The following ANXA6 variants were observed in gnomAD, a reference collection of about 807,000 sequenced individuals.
ANXA6 encodes the protein 67 kDa calelectrin.
Under a neutral mutation model 95.4 loss-of-function variants are expected in ANXA6, and 71 were observed. That is an observed-to-expected ratio of 0.74 (90% CI 0.61 to 0.91). The LOEUF (loss-of-function observed/expected upper bound fraction) is 0.91. Ranked by LOEUF, ANXA6 falls within the 40% of genes least tolerant of loss-of-function variation. ANXA6 has a pLI of 0.00. For missense variants in ANXA6, 830 were observed against 876.4 expected (o/e 0.95, Z 0.67); for synonymous variants, 289 against 315.9 (o/e 0.91, Z 0.90).
chr5:151,156,728 C>T (rs1482349607), intron 1 of ANXA6, among the ~76,000 whole-genome samples: 1 of 152,182 alleles, frequency 6.6e-6, no homozygotes, highest in Non-Finnish European at 1.5e-5. Flanking sequence ...CCTGCCCTTT[C>T]CCCTTGTAGG....
chr5:151,123,613 T>C (rs1418907170), intron 15 of ANXA6, among the ~76,000 whole-genome samples: 1 of 152,086 alleles, frequency 6.6e-6, no homozygotes, highest in Non-Finnish European at 1.5e-5. Context: ...CAGGCGAGCT[T>C]GGCAGGTATC....
At chr5:151,117,060 C>G (rs554764858) in intron 20 of ANXA6, 67 bp downstream of exon 20, 3 of 1,448,632 alleles carry the variant, frequency 2.1e-6, no homozygotes, top group Admixed American at 2.2e-5. Flanking sequence ...GGCGTAGACA[C>G]GCATAAGCTG....
At chr5:151,105,197 A>G (rs1180790302) in intron 24 of ANXA6, 48 bp downstream of exon 24, 8 of 1,536,178 alleles carry the variant, frequency 5.2e-6, no homozygotes, top group Non-Finnish European at 7.2e-6. Context: ...TTGTGTGTGT[A>G]TGTAAGTCAG....
intron 17 of ANXA6, among the ~76,000 whole-genome samples, chr5:151,120,214 G>A (rs914100418): frequency 6.6e-6 from 1 of 152,098 alleles, no homozygotes; most frequent in African/African-American, 2.4e-5. Flanking sequence ...GGCGTTACAT[G>A]CCCTGGACTA....
intron 17 of ANXA6, among the ~76,000 whole-genome samples, chr5:151,121,107 T>C (rs971449709): frequency 2.0e-5 from 3 of 152,236 alleles, no homozygotes; most frequent in African/African-American, 4.8e-5. Context: ...AATGTTTTTA[T>C]AAAGTCCTCT....
chr5:151,129,998 G>A (rs1053320032), intron 11 of ANXA6, among the ~76,000 whole-genome samples: 15 of 152,014 alleles, frequency 9.9e-5, no homozygotes, highest in African/African-American at 3.1e-4. Flanking sequence ...CACCATGCCC[G>A]GCCCTCTCAC....
chr5:151,137,480 T>C (rs1765700769), intron 5 of ANXA6, among the ~76,000 whole-genome samples, 159 bp from the exon 6 acceptor site: 1 of 152,164 alleles, frequency 6.6e-6, no homozygotes, highest in South Asian at 2.1e-4. Flanking sequence ...TTGAGACTCA[T>C]AAGACATGGT....
intron 1 of ANXA6, among the ~76,000 whole-genome samples, chr5:151,150,732 G>T (rs1415104209): frequency 1.3e-5 from 2 of 152,204 alleles, no homozygotes; most frequent in East Asian, 1.9e-4. Flanking sequence ...TGTGTGGTGG[G>T]GGGAGGAGGG....
chr5:151,131,274 C>A lies in ANXA6; in HGVS notation c.752G>T (p.Ser251Ile). 6.2e-7 allele frequency: 1 copy of A among 1,613,966 alleles called. No homozygotes were observed. The highest frequency in any genetic ancestry group is 8.5e-7 in the Non-Finnish European group (1 of 1,179,860). ...LMLAVVKCIR[S>I]TPEYFAERLF... ...CCTTTCAGCAAAATATTCCGGGGTGCTCCGGATACACTTCACTGTGAAGAG... is the reference window on the plus strand; with the variant it reads ...CCTTTCAGCAAAATATTCCGGGGTGATCCGGATACACTTCACTGTGAAGAG... The change falls in exon 11 of 26, where the codon AGC becomes ATC. Residue 251 changes from serine to isoleucine, a missense_variant. Physicochemically the swap from Ser to Ile is moderately radical, Grantham distance 142 (BLOSUM62 -2). Transcript: ENST00000354546.
At chr5:151,143,265 G>C (rs1178099356) in intron 2 of ANXA6, among the ~76,000 whole-genome samples, 1 of 151,888 alleles carries the variant, frequency 6.6e-6, no homozygotes, top group Non-Finnish European at 1.5e-5. Flanking sequence ...GATAAGAAGG[G>C]ACAACCACCA....
rs1476613046 is a variant in ANXA6 at position 151,128,715 on chromosome 5, T to C, written c.919-476A>G. ...CATATCCGTATAGATGCATATTCCA[T>C]ATCCCTCTTGGGGCTTCATAATGGA... is the stretch of plus-strand genomic sequence containing the variant. On this transcript the variant is annotated intron_variant, in intron 12 of 25. Transcript: ENST00000354546. 1.3e-5 allele frequency among the ~76,000 whole-genome samples: 2 copies of C among 152,236 alleles called. 1 individual carries two copies. The highest frequency in any genetic ancestry group is 4.8e-5 in the African/African-American group (2 of 41,470).
intron 22 of ANXA6, 51 bp from the exon 23 acceptor site, chr5:151,108,601 C>T (rs1013787865): frequency 6.7e-6 from 10 of 1,502,598 alleles, no homozygotes; most frequent in Middle Eastern, 1.8e-4. Flanking sequence ...GTGCAGGAGG[C>T]GGAGGACCCC....
chr5:151,126,566 A>ACACACG lies in ANXA6; in HGVS notation c.978-87_978-86insCGTGTG, dbSNP rs1554085127. Reference sequence around the variant, plus strand: ...CCAACACACACACACACACACACACACACACCCCAACACATACACACACGT... The same window carrying ACACACG: ...CCAACACACACACACACACACACACACACACGCACACCCCAACACATACACACACGT... On this transcript the variant is annotated intron_variant, in intron 13 of 25. Transcript: ENST00000354546. 6.4e-5 allele frequency: 61 copies of ACACACG among 947,308 alleles called. No individual in the cohort carries two copies. In the African/African-American group the frequency reaches 9.6e-4, roughly 15 times the overall value. The allele number at this position is 947,308 out of a possible 1,614,324, so 58.7% of individuals were successfully genotyped here.
intron 7 of ANXA6, 78 bp from the exon 8 acceptor site, chr5:151,134,561 AG>A: frequency 6.7e-7 from 1 of 1,490,136 alleles, no homozygotes; most frequent in Non-Finnish European, 9.4e-7. Flanking sequence ...TGGTGGAGAC[AG>A]GGAAAGCAGG....
rs984807443 is a variant in ANXA6 at position 151,140,327 on chromosome 5, C to A, written c.19-84G>T. 5.1e-6 allele frequency: 6 copies of A among 1,170,348 alleles called. No homozygotes were observed. The African/African-American group carries it at 7.6e-5, about 15-fold the overall frequency. The allele number at this position is 1,170,348 out of a possible 1,614,324, so 72.5% of individuals were successfully genotyped here. On this transcript the variant is annotated intron_variant, in intron 2 of 25. Transcript: ENST00000354546. ...CCCCAACCTCAGGTCAGATGCCTAC[C>A]CTGGTCCAGGCTGAGCTGCTTTCCC...
intron 2 of ANXA6, among the ~76,000 whole-genome samples, chr5:151,145,329 C>T (rs1221602357): frequency 6.6e-6 from 1 of 152,238 alleles, no homozygotes; most frequent in Admixed American, 6.5e-5. Flanking sequence ...CTCACCTCCA[C>T]AGCTCCTAGA....
intron 25 of ANXA6, among the ~76,000 whole-genome samples, chr5:151,102,747 T>TA (rs769997117): frequency 4.8e-4 from 73 of 151,940 alleles, no homozygotes; most frequent in Non-Finnish European, 6.5e-4. Flanking sequence ...AAGGGTCACA[T>TA]ATTAGGTGAT....
Position 151,117,278 on chromosome 5 carries a change from C to T in ANXA6, c.1519-98G>A, listed in dbSNP as rs1765027879. 5 of 1,246,354 alleles carry T rather than the reference C, an allele frequency of 4.0e-6. No homozygotes were observed. The East Asian group carries it at 1.3e-4, about 33-fold the overall frequency. The allele number at this position is 1,246,354 out of a possible 1,614,324, so 77.2% of individuals were successfully genotyped here. On this transcript the variant is annotated intron_variant, in intron 19 of 25. Transcript: ENST00000354546. ...CTGCTCATTTTCACCTCTCTGAATG[C>T]TCTTCCTCATCAGCTACACAGGGAC...
intron 20 of ANXA6, among the ~76,000 whole-genome samples, chr5:151,113,030 G>A (rs895815362): frequency 7.9e-5 from 12 of 152,330 alleles, no homozygotes; most frequent in Middle Eastern, 6.8e-3. Flanking sequence ...TTTGCATGAC[G>A]AAAACAGTTT....
Sources: gnomAD v4.1 joint callset for allele counts (sites outside exome capture counted in the v4.1 genomes callset) on GRCh38, gnomAD v4.1.1 for gene constraint, MANE v1.5 for transcripts, NCBI Gene and HGNC (gene_info 2026-07-23, HGNC 2026-07-21) for gene names.